The following PRMT3 variants were observed in gnomAD, a reference collection of about 807,000 sequenced individuals.
PRMT3 encodes the protein protein arginine N-methyltransferase 3.
Under a neutral mutation model 71.9 loss-of-function variants are expected in PRMT3, and 62 were observed. The ratio of observed to expected loss-of-function variants is 0.86; its 90% CI spans 0.70 to 1.07. PRMT3 has a LOEUF of 1.07. Ranked by LOEUF, PRMT3 falls within the 50% of genes least tolerant of loss-of-function variation. PRMT3 has a pLI of 0.00. For synonymous variants in PRMT3, 213 were observed against 220.4 expected (o/e 0.97, Z 0.30); for missense variants, 663 against 643.0 (o/e 1.03, Z -0.34).
At chr11:20,428,270 A>T (rs1256652607) in intron 10 of PRMT3, among the ~76,000 whole-genome samples, 1 of 152,232 alleles carries the variant, frequency 6.6e-6, no homozygotes, top group African/African-American at 2.4e-5. Flanking sequence ...CATTTGAGGC[A>T]TATAGACAAG....
At position 20,402,932 on chromosome 11, in the gene PRMT3, C is replaced by G; in HGVS notation, c.719C>G (p.Thr240Arg). The change falls in exon 8 of 16, where the codon ACA (threonine) becomes AGA (arginine). Residue 240 changes from threonine (T) to arginine (R), a missense_variant. Thr to Arg is a moderately conservative substitution (Grantham distance 71, BLOSUM62 -1). Coordinates refer to ENST00000331079, the MANE Select transcript of PRMT3 (RefSeq NM_005788.4). Reference sequence around the variant, plus strand: ...TCTCCACCCTAGGACAAAATACGAACAGAAAGCTACCGAGATTTCATATAC... The same window carrying G: ...TCTCCACCCTAGGACAAAATACGAAGAGAAAGCTACCGAGATTTCATATAC... Reference protein sequence around the residue: ...HEEMLKDKIRTESYRDFIYQN... With the variant: ...HEEMLKDKIRRESYRDFIYQN... 1 of 1,608,698 alleles carries G rather than the reference C, an allele frequency of 6.2e-7. No individual in the cohort carries two copies. Among genetic ancestry groups the G allele is most frequent in the South Asian group, 1.1e-5 (1 of 90,934 alleles).
Position 20,452,182 on chromosome 11 carries a change from A to G in PRMT3, c.1046A>G (p.Asn349Ser). The part of the protein sequence containing the change: ...SMLDSVLYAK[N>S]KYLAKGGSVY... ...TTAGATTCTGTCCTTTATGCAAAGA[A>G]CAAATACTTGGCAAAAGGAGGCTCG... The change falls in exon 11 of 16, where the codon AAC becomes AGC. Residue 349 changes from asparagine (N) to serine (S), a missense_variant. Transcript: ENST00000331079. 1 of 1,610,464 alleles carries G rather than the reference A, an allele frequency of 6.2e-7. No individual in the cohort carries two copies.
At chr11:20,399,232 T>C (rs1390140122) in intron 7 of PRMT3, among the ~76,000 whole-genome samples, 7 of 152,214 alleles carry the variant, frequency 4.6e-5, no homozygotes, top group Non-Finnish European at 7.3e-5. Context: ...CCCTGAAGCA[T>C]AGGCATTTAA....
At chr11:20,398,377 C>CAGTT (rs1848877037) in intron 7 of PRMT3, among the ~76,000 whole-genome samples, 1 of 152,078 alleles carries the variant, frequency 6.6e-6, no homozygotes, top group South Asian at 2.1e-4. Context: ...AAATTAGGTA[C>CAGTT]AGTTGTGCAC....
intron 13 of PRMT3, among the ~76,000 whole-genome samples, chr11:20,469,839 G>A (rs1423867306): frequency 2.0e-5 from 3 of 152,008 alleles, no homozygotes; most frequent in African/African-American, 4.8e-5. Flanking sequence ...CTATTAGCAT[G>A]TACCAGAATG....
intron 11 of PRMT3, among the ~76,000 whole-genome samples, chr11:20,456,643 C>T (rs1057145414): frequency 7.9e-5 from 12 of 151,858 alleles, no homozygotes; most frequent in African/African-American, 2.9e-4. Flanking sequence ...CCATTTTGAT[C>T]TTTTTAAAAA....
intron 10 of PRMT3, among the ~76,000 whole-genome samples, chr11:20,430,260 A>G (rs7105438): frequency 0.83 from 125,858 of 152,128 alleles, 53,779 homozygotes; most frequent in Non-Finnish European, 0.95. Flanking sequence ...AGACAAAAAT[A>G]GAATATACCC....
At chr11:20,462,284 G>T (rs1228709713) in intron 12 of PRMT3, 117 bp downstream of exon 12, 4 of 808,702 alleles carry the variant, frequency 4.9e-6, no homozygotes, top group Non-Finnish European at 7.5e-6. Flanking sequence ...TTTTCCCATT[G>T]TAATCAGTCT....
rs1356645136 is a variant in PRMT3, at chr11:20,439,800, TG to T, written c.994-12329del. Among the ~76,000 whole-genome samples, 6 of 152,200 alleles carry T rather than the reference TG, an allele frequency of 3.9e-5. No homozygotes were observed. The East Asian group carries it at 1.2e-3, about 30-fold the overall frequency. Reference sequence around the variant, plus strand: ...TTGAAAAAGCAGCTTTTTAGGTAAATGAAAAAGAAGCCCAAAAGCAGCCTGT... The same window carrying T: ...TTGAAAAAGCAGCTTTTTAGGTAAATAAAAAGAAGCCCAAAAGCAGCCTGT... On this transcript the variant is annotated intron_variant, in intron 10 of 15. Coordinates refer to ENST00000331079, the MANE Select transcript of PRMT3 (RefSeq NM_005788.4).
chr11:20,389,318 A>T (rs1848662600), intron 2 of PRMT3, among the ~76,000 whole-genome samples: 1 of 152,242 alleles, frequency 6.6e-6, no homozygotes, highest in South Asian at 2.1e-4. Context: ...ATTACATTTT[A>T]TGCTTTATTT....
intron 15 of PRMT3, among the ~76,000 whole-genome samples, chr11:20,507,237 C>T (rs1199693516): frequency 3.3e-5 from 5 of 152,172 alleles, no homozygotes; most frequent in African/African-American, 1.2e-4. Flanking sequence ...TGCTCACCTC[C>T]AGCACACTTT....
At chr11:20,461,680 T>C (rs368742993) in intron 11 of PRMT3, among the ~76,000 whole-genome samples, 7 of 152,200 alleles carry the variant, frequency 4.6e-5, no homozygotes, top group African/African-American at 1.7e-4. Flanking sequence ...TAGCATACTT[T>C]AAGTTTTAAT....
At chr11:20,410,120 A>T (rs1389576042) in intron 9 of PRMT3, among the ~76,000 whole-genome samples, 1 of 152,134 alleles carries the variant, frequency 6.6e-6, no homozygotes, top group East Asian at 1.9e-4. Context: ...AGAAGTCCTG[A>T]TTCCCATTGT....
intron 10 of PRMT3, among the ~76,000 whole-genome samples, chr11:20,441,345 G>A (rs1176297031): frequency 6.7e-6 from 1 of 149,370 alleles, no homozygotes; most frequent in Non-Finnish European, 1.5e-5. Flanking sequence ...TCGCTCTTTC[G>A]CCCAGGCTGG....
chr11:20,466,637 A>G (rs778642516), intron 13 of PRMT3, among the ~76,000 whole-genome samples: 1 of 152,168 alleles, frequency 6.6e-6, no homozygotes, highest in Non-Finnish European at 1.5e-5. Flanking sequence ...TCTATTTCCT[A>G]GTATTTAGGA....
chr11:20,509,275 TATAAA>T lies in PRMT3; in HGVS notation c.*866_*870del, dbSNP rs1810250716. The T allele has an allele frequency of 3.9e-5, 6 of 152,188 alleles. No individual in the cohort carries two copies. Among genetic ancestry groups the T allele is most frequent in the South Asian group, 2.1e-4 (1 of 4,826 alleles). 9.4% of individuals were successfully genotyped at this position (152,188 alleles called of 1,614,324 possible). ...AAAATTTTAATAAAATGTATCAACT[TATAAA>T]ATATTTTAAAAATATTGATATTATA... On this transcript the variant is annotated 3_prime_UTR_variant, in exon 16 of 16. Transcript: ENST00000331079.
chr11:20,432,606 G>A (rs997008280), intron 10 of PRMT3, among the ~76,000 whole-genome samples: 1 of 152,048 alleles, frequency 6.6e-6, no homozygotes, highest in Non-Finnish European at 1.5e-5. Flanking sequence ...TCATATAATA[G>A]TTCTATTTTT....
chr11:20,412,160 C>G (rs1849207755), intron 9 of PRMT3, among the ~76,000 whole-genome samples: 1 of 152,070 alleles, frequency 6.6e-6, no homozygotes, highest in African/African-American at 2.4e-5. Flanking sequence ...CAGATGGAAA[C>G]TATCAAAGGC....
At chr11:20,486,964 G>T (rs1047013375) in intron 13 of PRMT3, among the ~76,000 whole-genome samples, 1 of 151,910 alleles carries the variant, frequency 6.6e-6, no homozygotes, top group African/African-American at 2.4e-5. Context: ...GGCTGAGGCA[G>T]GAGAATTGCT....
Sources: allele counts gnomAD v4.1 joint callset (sites outside exome capture counted in the v4.1 genomes callset), GRCh38; gene constraint gnomAD v4.1.1; transcripts MANE v1.5; gene names NCBI Gene and HGNC (gene_info 2026-07-23, HGNC 2026-07-21).